CDC5L: variants seen among roughly 807,000 people sequenced by gnomAD.
CDC5L encodes cell division cycle 5 like, also known as cell division cycle 5-like protein.
In CDC5L, 18 loss-of-function variants were observed where a neutral mutation model predicts 104.1. The ratio of observed to expected loss-of-function variants is 0.17; its 90% CI spans 0.12 to 0.26. CDC5L has a LOEUF of 0.26. CDC5L is among the 10% of genes least tolerant of loss of function. CDC5L has a pLI of 1.00. For synonymous variants in CDC5L, 331 were observed against 322.7 expected, an observed-to-expected ratio of 1.03 and a Z score of -0.28; for missense variants, 673 against 956.9, an observed-to-expected ratio of 0.70 and a Z score of 3.91.
At chr6:44,434,455 G>A (rs973175352) in intron 14 of CDC5L, among the ~76,000 whole-genome samples, 3 of 152,144 alleles carry the variant, frequency 2.0e-5, no homozygotes, top group Admixed American at 2.0e-4. Flanking sequence ...AGAGATTAAA[G>A]GAGAATCACT....
At chr6:44,408,112 G>A (rs554669737) in intron 7 of CDC5L, among the ~76,000 whole-genome samples, 23 of 152,204 alleles carry the variant, frequency 1.5e-4, no homozygotes, top group African/African-American at 5.5e-4. Context: ...ACATTCTGTA[G>A]GGAAGGCTTT....
intron 14 of CDC5L, among the ~76,000 whole-genome samples, chr6:44,436,571 T>C (rs1163549298): frequency 6.6e-6 from 1 of 152,146 alleles, no homozygotes; most frequent in Admixed American, 6.6e-5. Context: ...GCCTTTAGAG[T>C]AGATACAATA....
chr6:44,404,082 G>A (rs755921792), intron 6 of CDC5L, 55 bp downstream of exon 6: 126 of 1,225,210 alleles, frequency 1.0e-4, no homozygotes, highest in Non-Finnish European at 1.3e-4. Flanking sequence ...GGAGTCTTAC[G>A]AAGGGCCAAG....
chr6:44,408,487 C>A lies in CDC5L; in HGVS notation c.947C>A (p.Ala316Glu). Reference sequence around the variant, plus strand: ...CAGGAAGTTGTAAAAGTAGGCCAAGCGAGTGAAATTGCACGTCAAACTGCC... The same window carrying A: ...CAGGAAGTTGTAAAAGTAGGCCAAGAGAGTGAAATTGCACGTCAAACTGCC... ...ELQEVVKVGQ[A>E]SEIARQTAEE... Residue 316 changes from alanine (A) to glutamate (E), a missense_variant, in exon 8 of 16, where the codon GCG (alanine) becomes GAG (glutamate). This residue lies in a region of CDC5L where 578 missense variants were observed against 737.0 expected (regional missense o/e 0.78). Coordinates refer to ENST00000371477, the MANE Select transcript of CDC5L (RefSeq NM_001253.4). 1.2e-6 allele frequency: 2 copies of A among 1,613,564 alleles called. No homozygotes were observed. The highest frequency in any genetic ancestry group is 1.7e-6 in the Non-Finnish European group (2 of 1,179,656).
In CDC5L at chr6:44,447,498, G is replaced by C. The variant is rs1293602251; in HGVS notation, c.*787G>C. 1 of 152,168 alleles carries C rather than the reference G, an allele frequency of 6.6e-6. No individual in the cohort carries two copies. The highest frequency in any genetic ancestry group is 1.9e-4 in the East Asian group (1 of 5,200). 9.4% of individuals were successfully genotyped at this position (152,168 alleles called of 1,614,324 possible). ...TGTAGAATTTGGGGAATGGATAGAG[G>C]TGGAGATATTTAATTTTATATAATT... On this transcript the variant is annotated 3_prime_UTR_variant, in exon 16 of 16. Coordinates refer to ENST00000371477, the MANE Select transcript of CDC5L (RefSeq NM_001253.4).
intron 14 of CDC5L, among the ~76,000 whole-genome samples, chr6:44,438,096 G>A (rs1428861596): frequency 1.3e-5 from 2 of 152,146 alleles, no homozygotes; most frequent in Non-Finnish European, 2.9e-5. Flanking sequence ...CCACAGGCAT[G>A]TGCCACTATG....
At chr6:44,389,969 T>G (rs1001607180) in intron 1 of CDC5L, among the ~76,000 whole-genome samples, 2 of 152,230 alleles carry the variant, frequency 1.3e-5, no homozygotes, top group Non-Finnish European at 2.9e-5. Context: ...ATACTTTTTC[T>G]TAATTTTTGT....
In CDC5L at chr6:44,428,098, C is replaced by T. The variant is rs935441846; in HGVS notation, c.1893+1374C>T. ...TATGGATAGTTTAAAGATAACTTAG[C>T]CATATTCTCTCGTAATGATTATAAG... On this transcript the variant is annotated intron_variant, in intron 13 of 15. Coordinates refer to ENST00000371477, the MANE Select transcript of CDC5L (RefSeq NM_001253.4). Among the ~76,000 whole-genome samples the T allele has an allele frequency of 3.9e-5, 6 of 152,108 alleles. No individual in the cohort carries two copies. The East Asian group carries it at 1.2e-3, about 29-fold the overall frequency.
chr6:44,446,563 G>T, intron 15 of CDC5L, 44 bp from the exon 16 acceptor site: 1 of 890,894 alleles, frequency 1.1e-6, no homozygotes, highest in Non-Finnish European at 1.7e-6. Flanking sequence ...ATTTTTTTCA[G>T]TATAGTTACA....
chr6:44,448,416 G>C lies in CDC5L; in HGVS notation c.*1705G>C, dbSNP rs1390854167. 1 of 152,204 alleles carries C rather than the reference G, an allele frequency of 6.6e-6. No individual in the cohort carries two copies. The highest frequency in any genetic ancestry group is 2.4e-5 in the African/African-American group (1 of 41,446). 9.4% of individuals were successfully genotyped at this position (152,204 alleles called of 1,614,324 possible). The stretch of plus-strand genomic sequence containing the variant: ...TTTTAGAAACATCACTATCTCCTTA[G>C]TGTGTAAAATCTCACCAGGCTGGAG... On this transcript the variant is annotated 3_prime_UTR_variant, in exon 16 of 16. Coordinates refer to ENST00000371477, the MANE Select transcript of CDC5L (RefSeq NM_001253.4).
Position 44,426,593 on chromosome 6 carries a change from C to G in CDC5L, c.1762C>G (p.Leu588Val). ...GATCACAATGCTTCATTATGACCTT[C>G]TACATCACCCTTATGAACCATCTGG... ...EMITMLHYDL[L>V]HHPYEPSGNK... Residue 588 changes from leucine (L) to valine (V), a missense_variant, in exon 13 of 16, where the codon CTA becomes GTA. This residue lies in a region of CDC5L where 578 missense variants were observed against 737.0 expected (regional missense o/e 0.78). Coordinates refer to ENST00000371477, the MANE Select transcript of CDC5L (RefSeq NM_001253.4). The G allele has an allele frequency of 6.2e-7, 1 of 1,613,500 alleles. No homozygotes were observed. Among genetic ancestry groups the G allele is most frequent in the East Asian group, 2.2e-5 (1 of 44,800 alleles).
At chr6:44,391,596 G>A (rs1790625916) in intron 2 of CDC5L, among the ~76,000 whole-genome samples, 1 of 152,070 alleles carries the variant, frequency 6.6e-6, no homozygotes. Context: ...AGCTATTTAG[G>A]GTGTTCTTGG....
chr6:44,396,930 C>T (rs1327159925), intron 5 of CDC5L, among the ~76,000 whole-genome samples: 1 of 152,220 alleles, frequency 6.6e-6, no homozygotes, highest in Non-Finnish European at 1.5e-5. Context: ...GGATATGCCA[C>T]CCTCCCAGCC....
intron 4 of CDC5L, among the ~76,000 whole-genome samples, chr6:44,394,872 A>G (rs1003002501): frequency 1.3e-5 from 1 of 77,708 alleles, no homozygotes; most frequent in African/African-American, 5.5e-5. Context: ...AAAAAAAAAA[A>G]AAAAAAAAAA....
At chr6:44,429,690 A>T (rs1792592106) in intron 13 of CDC5L, 23 bp from the exon 14 acceptor site, 2 of 1,604,918 alleles carry the variant, frequency 1.2e-6, no homozygotes, top group Non-Finnish European at 8.5e-7. Flanking sequence ...ACTTAAACTT[A>T]TTGAAATTAT....
chr6:44,414,311 C>G (rs1791803732), intron 8 of CDC5L, among the ~76,000 whole-genome samples: 1 of 151,754 alleles, frequency 6.6e-6, no homozygotes. Context: ...GACCTGGGTT[C>G]AAGCGATCCT....
At chr6:44,424,608 G>A (rs1024698650) in intron 11 of CDC5L, 25 bp downstream of exon 11, 11 of 1,611,208 alleles carry the variant, frequency 6.8e-6, no homozygotes, top group African/African-American at 5.3e-5. Flanking sequence ...TGAAAGAAGC[G>A]TGAGTTTGGC....
chr6:44,403,414 T>TAATTTC (rs1266505999), intron 5 of CDC5L, among the ~76,000 whole-genome samples: 2 of 152,168 alleles, frequency 1.3e-5, no homozygotes, highest in Admixed American at 6.5e-5. Context: ...ATTTGCCTTT[T>TAATTTC]AATTTCATTT....
intron 1 of CDC5L, among the ~76,000 whole-genome samples, chr6:44,389,683 T>G (rs1388777577): frequency 1.3e-5 from 2 of 151,920 alleles, no homozygotes; most frequent in East Asian, 3.9e-4. Context: ...TGGGTCATAG[T>G]TGGGGTTAAG....
Sources: allele counts gnomAD v4.1 joint callset (sites outside exome capture counted in the v4.1 genomes callset), GRCh38; gene constraint gnomAD v4.1.1; regional missense constraint gnomAD v4.1.1; transcripts MANE v1.5; gene names NCBI Gene and HGNC (gene_info 2026-07-23, HGNC 2026-07-21).